The following SLFN12L variants were observed in gnomAD, a reference collection of about 807,000 sequenced individuals.
SLFN12L encodes the protein schlafen family member 12 like.
SLFN12L carries 34 observed loss-of-function variants against 34.8 expected under a neutral mutation model. That is an observed-to-expected ratio of 0.98 (90% CI 0.74 to 1.30). The LOEUF (loss-of-function observed/expected upper bound fraction) is 1.30, where lower values mean the gene tolerates loss of function less well. Ranked by LOEUF, SLFN12L falls within the 50% of genes most tolerant of loss-of-function variation. The pLI, the probability that SLFN12L is intolerant of heterozygous loss-of-function variation, is 0.00. For synonymous variants in SLFN12L, 259 were observed against 247.5 expected (o/e 1.05, Z -0.44); for missense variants, 703 against 696.2 (o/e 1.01, Z -0.11).
chr17:35,492,911 T>A (rs1224194527), intron 2 of SLFN12L, among the ~76,000 whole-genome samples: 7 of 151,656 alleles, frequency 4.6e-5, no homozygotes, highest in Non-Finnish European at 8.8e-5. Context: ...AGGCACATAG[T>A]AGGCACTCAA....
intron 2 of SLFN12L, among the ~76,000 whole-genome samples, chr17:35,512,189 C>G (rs997620815): frequency 2.7e-5 from 3 of 109,850 alleles, no homozygotes; most frequent in Non-Finnish European, 5.3e-5. Context: ...GAGTCTCGCT[C>G]TGTCGCCCAG....
rs963415766 is a variant in SLFN12L at position 35,474,865 on chromosome 17, A to C, written c.*58T>G. ...GGAATTGCTTGAACCCAGGAGGCAG[A>C]GGTTGCAGTGAGTCGAGATCGTGTC... On this transcript the variant is annotated 3_prime_UTR_variant, in exon 5 of 5. Transcript: ENST00000628453. 1.4e-5 allele frequency: 20 copies of C among 1,458,766 alleles called. No homozygotes were observed. The highest frequency in any genetic ancestry group is 2.5e-5 in the Admixed American group (1 of 40,510). The allele number at this position is 1,458,766 out of a possible 1,614,324, so 90.4% of individuals were successfully genotyped here. A position where few individuals can be genotyped will look rare whatever the true frequency, so the allele number is the denominator to read the frequency against.
chr17:35,530,448 GAAA>G lies in SLFN12L; in HGVS notation c.-606+7122_-606+7124del, dbSNP rs1164063236. Among the ~76,000 whole-genome samples, 9 of 32,254 alleles carry G rather than the reference GAAA, an allele frequency of 2.8e-4. 2 individuals carry two copies. The highest frequency in any genetic ancestry group is 5.8e-4 in the Non-Finnish European group (8 of 13,722). The allele number at this position is 32,254 out of a possible 152,430, so 21.2% of individuals were successfully genotyped here. On this transcript the variant is annotated intron_variant, in intron 1 of 4. Transcript: ENST00000628453. ...AAGGAAGGGAAGGGAAGGGAAGAAA[GAAA>G]GAAAGAAAGAAAGAAAGAAAGAAAG...
chr17:35,472,741 C>T lies in SLFN12L; in HGVS notation c.*2182G>A, dbSNP rs1268027870. Among the ~76,000 whole-genome samples the T allele has an allele frequency of 3.3e-5, 5 of 152,252 alleles. No individual in the cohort carries two copies. Among genetic ancestry groups the T allele is most frequent in the East Asian group, 1.9e-4 (1 of 5,170 alleles). The stretch of plus-strand genomic sequence containing the variant: ...CATTGAATCTATAAATTACTTTGGG[C>T]AATATGGCCATTTTCATGATATTGA... On this transcript the variant is annotated 3_prime_UTR_variant, in exon 5 of 5. Transcript: ENST00000628453.
chr17:35,508,990 A>G (rs1244116574), intron 2 of SLFN12L, among the ~76,000 whole-genome samples: 1 of 152,206 alleles, frequency 6.6e-6, no homozygotes, highest in Non-Finnish European at 1.5e-5. Context: ...GACTTGTCCT[A>G]TATATATTTC....
chr17:35,535,190 CT>C (rs35271725), intron 1 of SLFN12L, among the ~76,000 whole-genome samples: 416 of 131,238 alleles, frequency 3.2e-3, no homozygotes, highest in Middle Eastern at 8.0e-3. Flanking sequence ...TCTCTTTCTC[CT>C]TTTTTTTTTT....
At chr17:35,507,831 G>A (rs1299709147) in intron 2 of SLFN12L, among the ~76,000 whole-genome samples, 1 of 152,164 alleles carries the variant, frequency 6.6e-6, no homozygotes, top group Non-Finnish European at 1.5e-5. Flanking sequence ...CTATCGATCT[G>A]TCTTACAAGA....
At chr17:35,531,166 T>C (rs1352074038) in intron 1 of SLFN12L, among the ~76,000 whole-genome samples, 1 of 152,234 alleles carries the variant, frequency 6.6e-6, no homozygotes, top group African/African-American at 2.4e-5. Flanking sequence ...ATTTATTTGA[T>C]TAATTAACAA....
chr17:35,519,179 G>A (rs1333302457), intron 2 of SLFN12L, among the ~76,000 whole-genome samples: 1 of 152,070 alleles, frequency 6.6e-6, no homozygotes, highest in African/African-American at 2.4e-5. Context: ...CACACACTGG[G>A]GCCTGTCAGA....
chr17:35,465,736 G>T lies in SLFN12L; in HGVS notation c.*9187C>A, dbSNP rs753852609. Among the ~76,000 whole-genome samples the T allele has an allele frequency of 1.0e-4, 15 of 149,488 alleles. No homozygotes were observed. Among genetic ancestry groups the T allele is most frequent in the South Asian group, 2.2e-4 (1 of 4,588 alleles). On this transcript the variant is annotated 3_prime_UTR_variant, in exon 5 of 5. Coordinates refer to ENST00000628453, the MANE Select transcript of SLFN12L (RefSeq NM_001363830.2). ...ACTACAACATTATTGCTGTGGTCTT[G>T]TCGACTAGGGCCTCATAGCCAGTAT...
At chr17:35,503,896 G>A (rs911568779) in intron 2 of SLFN12L, among the ~76,000 whole-genome samples, 1 of 151,862 alleles carries the variant, frequency 6.6e-6, no homozygotes, top group Non-Finnish European at 1.5e-5. Context: ...CAGCAGAAAA[G>A]GAATGGACTC....
intron 2 of SLFN12L, chr17:35,490,567 G>A: frequency 1.2e-6 from 1 of 827,050 alleles, no homozygotes; most frequent in African/African-American, 1.7e-5. Flanking sequence ...GTCTGCGGAT[G>A]GGGGCATGCT....
chr17:35,530,457 A>AAAGG (rs2072393017), intron 1 of SLFN12L, among the ~76,000 whole-genome samples: 4 of 59,076 alleles, frequency 6.8e-5, no homozygotes, highest in African/African-American at 2.0e-4. Context: ...AGAAAGAAAG[A>AAAGG]AAGAAAGAAA....
chr17:35,469,327 A>AAAAATATATATATTAT lies in SLFN12L; in HGVS notation c.*5595_*5596insATAATATATATATTTT, dbSNP rs1567635933. 6.9e-5 allele frequency among the ~76,000 whole-genome samples: 7 copies of AAAAATATATATATTAT among 100,848 alleles called. No homozygotes were observed. Among genetic ancestry groups the AAAAATATATATATTAT allele is most frequent in the Non-Finnish European group, 1.0e-4 (5 of 48,480 alleles). The allele number at this position is 100,848 out of a possible 152,430, so 66.2% of individuals were successfully genotyped here. A position where few individuals can be genotyped will look rare whatever the true frequency, so the allele number is the denominator to read the frequency against. On this transcript the variant is annotated 3_prime_UTR_variant, in exon 5 of 5. Transcript: ENST00000628453. ...AAAATATATATATATTATATATATA[A>AAAAATATATATATTAT]ATATATATATAATATATATATATAT...
intron 1 of SLFN12L, among the ~76,000 whole-genome samples, chr17:35,524,809 G>T (rs987554399): frequency 5.3e-5 from 8 of 152,090 alleles, no homozygotes; most frequent in Non-Finnish European, 1.0e-4. Context: ...TCCTCCAAAG[G>T]ATCACAACTC....
chr17:35,482,832 G>A lies in SLFN12L; in HGVS notation c.87-2637C>T, dbSNP rs971213009. Among the ~76,000 whole-genome samples the A allele has an allele frequency of 7.2e-5, 11 of 152,132 alleles. No homozygotes were observed. The South Asian group carries it at 8.3e-4, about 11-fold the overall frequency. On this transcript the variant is annotated intron_variant, in intron 2 of 4. Transcript: ENST00000628453. The stretch of plus-strand genomic sequence containing the variant: ...TGGGAGGGCCTGAAGGCTGGGGACC[G>A]GGCTGCCAGTGCTGTAGACTGTGGG...
At chr17:35,517,274 C>T (rs1327512824) in intron 2 of SLFN12L, among the ~76,000 whole-genome samples, 1 of 152,038 alleles carries the variant, frequency 6.6e-6, no homozygotes, top group Non-Finnish European at 1.5e-5. Flanking sequence ...AGCACAGAGC[C>T]AAATCATGAG....
At chr17:35,487,601 G>A in intron 2 of SLFN12L, 1 of 988,588 alleles carries the variant, frequency 1.0e-6, no homozygotes, top group Non-Finnish European at 1.5e-6. Flanking sequence ...GGGCCCTTAA[G>A]CAACTGAAAG....
At chr17:35,529,733 T>A (rs957629716) in intron 1 of SLFN12L, among the ~76,000 whole-genome samples, 1 of 151,852 alleles carries the variant, frequency 6.6e-6, no homozygotes, top group Non-Finnish European at 1.5e-5. Flanking sequence ...TTAGGAGAAA[T>A]ACCTAATGTG....
Sources: allele counts gnomAD v4.1 joint callset (sites outside exome capture counted in the v4.1 genomes callset), GRCh38; gene constraint gnomAD v4.1.1; transcripts MANE v1.5; gene names NCBI Gene and HGNC (gene_info 2026-07-23, HGNC 2026-07-21).